Variants in RBFOX3 observed in about 807,000 individuals in gnomAD.
RBFOX3 encodes RNA binding fox-1 homolog 3.
In RBFOX3, 17 loss-of-function variants were observed where a neutral mutation model predicts 48.7. The observed-to-expected ratio is 0.35, with a 90% CI of 0.24 to 0.52. The LOEUF (loss-of-function observed/expected upper bound fraction) is 0.52. Among genes scored for constraint, RBFOX3 ranks in the 20% least tolerant of loss-of-function variants. The pLI, the probability that RBFOX3 is intolerant of heterozygous loss-of-function variation, is 0.94. For missense variants in RBFOX3, 382 were observed against 497.5 expected (o/e 0.77, Z 2.21); for synonymous variants, 212 against 209.5 (o/e 1.01, Z -0.10).
intron 1 of RBFOX3, among the ~76,000 whole-genome samples, chr17:79,561,834 C>T (rs2080164078): frequency 6.6e-6 from 1 of 152,182 alleles, no homozygotes; most frequent in South Asian, 2.1e-4. Flanking sequence ...CCGTCCACAC[C>T]TGTGTCTGGT....
In RBFOX3 at chr17:79,249,009, G is replaced by A. The variant is rs2063556334; in HGVS notation, c.-73-13204C>T. Among the ~76,000 whole-genome samples the A allele has an allele frequency of 6.6e-6, 1 of 152,210 alleles. No individual in the cohort carries two copies. Among genetic ancestry groups the A allele is most frequent in the East Asian group, 1.9e-4 (1 of 5,186 alleles). On this transcript the variant is annotated intron_variant, in intron 3 of 14. Transcript: ENST00000693108. The surrounding 1 kb of genome is among the most constrained non-coding windows in gnomAD (Gnocchi z 4.1). ...TTCTGAGCTGGGACCTGCCTCCATC[G>A]GCTGGGATGCGGTGCGGTCTTCCGC...
intron 1 of RBFOX3, among the ~76,000 whole-genome samples, chr17:79,605,204 G>C (rs1353603653): frequency 6.6e-6 from 1 of 152,096 alleles, no homozygotes; most frequent in East Asian, 1.9e-4. Context: ...TTGTTTTGAT[G>C]GAGGGAGAAT....
chr17:79,199,826 G>A lies in RBFOX3; in HGVS notation c.-34+35940C>T, dbSNP rs545437907. The stretch of plus-strand genomic sequence containing the variant: ...AGGAGAGTGTCTATTCTACAGTACC[G>A]CTCTAAAGCTTCCCACATCTCAGTT... On this transcript the variant is annotated intron_variant, in intron 4 of 14. Coordinates refer to ENST00000693108, the MANE Select transcript of RBFOX3 (RefSeq NM_001350451.2). This position sits in a 1 kb window ranked among gnomAD's most constrained non-coding sequence, Gnocchi z 5.1. 7.2e-5 allele frequency among the ~76,000 whole-genome samples: 11 copies of A among 152,174 alleles called. No individual in the cohort carries two copies. The East Asian group carries it at 1.4e-3, about 19-fold the overall frequency.
intron 1 of RBFOX3, among the ~76,000 whole-genome samples, chr17:79,586,803 T>G (rs1470403774): frequency 2.0e-5 from 3 of 152,236 alleles, no homozygotes; most frequent in Non-Finnish European, 4.4e-5. Flanking sequence ...CTGCAGCTTT[T>G]CAAATGCTAC....
intron 2 of RBFOX3, among the ~76,000 whole-genome samples, chr17:79,336,934 A>G (rs1055493218): frequency 2.0e-5 from 3 of 152,154 alleles, no homozygotes; most frequent in Non-Finnish European, 4.4e-5. Flanking sequence ...ACCCTGGCGA[A>G]CATGGTGAAA....
chr17:79,583,418 CG>C (rs1174074195), intron 1 of RBFOX3, among the ~76,000 whole-genome samples: 3 of 152,206 alleles, frequency 2.0e-5, no homozygotes, highest in African/African-American at 7.2e-5. Flanking sequence ...ACAGATGTCA[CG>C]CAGTGCCCCA....
Position 79,479,224 on chromosome 17 carries a change from G to C in RBFOX3, c.-175+3230C>G, listed in dbSNP as rs1416898593. Among the ~76,000 whole-genome samples the C allele has an allele frequency of 6.6e-6, 1 of 152,230 alleles. No homozygotes were observed. Among genetic ancestry groups the C allele is most frequent in the African/African-American group, 2.4e-5 (1 of 41,456 alleles). On this transcript the variant is annotated intron_variant, in intron 2 of 14. Coordinates refer to ENST00000693108, the MANE Select transcript of RBFOX3 (RefSeq NM_001350451.2). This position sits in a 1 kb window ranked among gnomAD's most constrained non-coding sequence, Gnocchi z 5.1. ...ACATGCCAGAGCTCTGGTAGCCCAA[G>C]GGGTGGTTTTGGCGGCCCCTTCTCT...
At chr17:79,104,924 A>ACAGTGACCTGAACCCAGGCCCTGC (rs55759994) in intron 6 of RBFOX3, among the ~76,000 whole-genome samples, 2 of 152,010 alleles carry the variant, frequency 1.3e-5, no homozygotes, top group African/African-American at 2.4e-5. Flanking sequence ...GTGCTGAGCA[A>ACAGTGACCTGAACCCAGGCCCTGC]CTGTTCAGGT....
chr17:79,289,709 G>A (rs571220558), intron 3 of RBFOX3, among the ~76,000 whole-genome samples: 1 of 152,290 alleles, frequency 6.6e-6, no homozygotes, highest in African/African-American at 2.4e-5. Context: ...CCCAGCTCCT[G>A]GCCTCTGGTT....
intron 4 of RBFOX3, among the ~76,000 whole-genome samples, chr17:79,209,162 C>T (rs1328138136): frequency 1.3e-5 from 2 of 152,110 alleles, no homozygotes; most frequent in African/African-American, 4.8e-5. Context: ...CCCTCTCCCA[C>T]CAGGCCACCC....
At chr17:79,315,375 A>T (rs2077394333) in intron 2 of RBFOX3, among the ~76,000 whole-genome samples, 1 of 152,210 alleles carries the variant, frequency 6.6e-6, no homozygotes, top group African/African-American at 2.4e-5. Context: ...GAAGGAGGCC[A>T]GAAAGTGCTG....
intron 2 of RBFOX3, among the ~76,000 whole-genome samples, chr17:79,357,802 G>GTT (rs112789713): frequency 0.056 from 8,308 of 147,516 alleles, 291 homozygotes; most frequent in East Asian, 0.2. Flanking sequence ...CCTCAAGGGT[G>GTT]TTTTTTTTTT....
chr17:79,541,169 G>C (rs1193079584), intron 1 of RBFOX3, among the ~76,000 whole-genome samples: 2 of 150,894 alleles, frequency 1.3e-5, no homozygotes, highest in Non-Finnish European at 2.9e-5. Context: ...TTCAATTCCA[G>C]CACTGGAAAA....
chr17:79,493,186 T>C (rs371676054), intron 1 of RBFOX3, among the ~76,000 whole-genome samples: 86 of 152,032 alleles, frequency 5.7e-4, no homozygotes, highest in African/African-American at 1.9e-3. Context: ...CACACTCTTT[T>C]AAACAACCAG....
rs563473449 is a variant in RBFOX3, at chr17:79,198,795, T to G, written c.-34+36971A>C. On this transcript the variant is annotated intron_variant, in intron 4 of 14. Coordinates refer to ENST00000693108, the MANE Select transcript of RBFOX3 (RefSeq NM_001350451.2). This position sits in a 1 kb window ranked among gnomAD's most constrained non-coding sequence, Gnocchi z 8.2. ...CATGTGCCACCACACCCAGCTAATT[T>G]TTTTTGTACTTTTGGTAGAGATGGC... 1.5e-3 allele frequency among the ~76,000 whole-genome samples: 231 copies of G among 152,060 alleles called. No individual in the cohort carries two copies. Among genetic ancestry groups the G allele is most frequent in the Non-Finnish European group, 2.1e-3 (146 of 68,018 alleles).
At chr17:79,210,129 G>A (rs1335604907) in intron 4 of RBFOX3, among the ~76,000 whole-genome samples, 3 of 152,358 alleles carry the variant, frequency 2.0e-5, no homozygotes, top group East Asian at 1.9e-4. Flanking sequence ...TCTGGAGCCC[G>A]AGGGAAGAGT....
At chr17:79,524,207 G>T (rs2086499333) in intron 1 of RBFOX3, among the ~76,000 whole-genome samples, 1 of 152,176 alleles carries the variant, frequency 6.6e-6, no homozygotes. Context: ...CAATGAGTTT[G>T]GCAAAAGGGT....
chr17:79,445,935 C>T (rs141727750), intron 2 of RBFOX3, among the ~76,000 whole-genome samples: 23 of 152,320 alleles, frequency 1.5e-4, no homozygotes, highest in African/African-American at 4.8e-4. Context: ...TTTGGTGGTG[C>T]CTGCAGACAT....
intron 3 of RBFOX3, among the ~76,000 whole-genome samples, chr17:79,255,931 C>A (rs1057476725): frequency 1.3e-5 from 2 of 151,304 alleles, no homozygotes; most frequent in Non-Finnish European, 2.9e-5. Flanking sequence ...CGCTGCCTGC[C>A]GAGCACAGAG....
Sources: gnomAD v4.1 joint callset for allele counts (sites outside exome capture counted in the v4.1 genomes callset) on GRCh38, gnomAD v4.1.1 for gene constraint, Gnocchi (gnomAD v3.1) non-coding constraint, MANE v1.5 for transcripts, NCBI Gene and HGNC (gene_info 2026-07-23, HGNC 2026-07-21) for gene names.